GALNT7: variants seen among roughly 807,000 people sequenced by gnomAD.
The protein encoded by GALNT7 is polypeptide N-acetylgalactosaminyltransferase 7.
GALNT7 carries 60 observed loss-of-function variants against 82.1 expected under a neutral mutation model. The observed-to-expected ratio is 0.73, with a 90% CI of 0.59 to 0.91. The LOEUF (loss-of-function observed/expected upper bound fraction) is 0.91. Ranked by LOEUF, GALNT7 falls within the 40% of genes least tolerant of loss-of-function variation. The pLI is 0.00. For synonymous variants in GALNT7, 243 were observed against 275.1 expected (o/e 0.88, Z 1.15); for missense variants, 660 against 804.2 (o/e 0.82, Z 2.17).
At chr4:173,201,589 C>T (rs771806232) in intron 1 of GALNT7, among the ~76,000 whole-genome samples, 11 of 152,132 alleles carry the variant, frequency 7.2e-5, no homozygotes, top group Non-Finnish European at 1.3e-4. Context: ...AAGTCATTTT[C>T]GGTTTACAGG....
chr4:173,321,152 C>G (rs1274591702), intron 11 of GALNT7, among the ~76,000 whole-genome samples: 1 of 152,112 alleles, frequency 6.6e-6, no homozygotes, highest in African/African-American at 2.4e-5. Flanking sequence ...AGGGCATCTG[C>G]AGTGGCGATG....
chr4:173,246,516 A>G (rs1734640595), intron 1 of GALNT7, among the ~76,000 whole-genome samples: 1 of 152,192 alleles, frequency 6.6e-6, no homozygotes, highest in South Asian at 2.1e-4. Context: ...TTTTCACTAC[A>G]TGCCCTTTTG....
intron 1 of GALNT7, among the ~76,000 whole-genome samples, chr4:173,244,252 G>T (rs1429967504): frequency 6.6e-6 from 1 of 152,164 alleles, no homozygotes; most frequent in African/African-American, 2.4e-5. Flanking sequence ...GAAAAAGTTT[G>T]CTGACCCCTC....
rs139586964 is a variant in GALNT7 at position 173,244,392 on chromosome 4, G to T, written c.127-3588G>T. On this transcript the variant is annotated intron_variant, in intron 1 of 11. Transcript: ENST00000265000. ...TGCTGGAATATGGTAAGCAGGGAAA[G>T]AAACATGTTGATGTATGAATTTTAG... is the stretch of plus-strand genomic sequence containing the variant. Among the ~76,000 whole-genome samples the T allele has an allele frequency of 2.3e-3, 347 of 152,334 alleles. 1 individual carries two copies. The highest frequency in any genetic ancestry group is 8.0e-3 in the African/African-American group (333 of 41,588).
chr4:173,267,062 G>A (rs1298418540), intron 2 of GALNT7, among the ~76,000 whole-genome samples: 2 of 151,964 alleles, frequency 1.3e-5, no homozygotes, highest in Non-Finnish European at 1.5e-5. Flanking sequence ...TATTTCAAAA[G>A]GGCTAGAAAA....
At chr4:173,195,762 C>T (rs140579516) in intron 1 of GALNT7, among the ~76,000 whole-genome samples, 255 of 152,274 alleles carry the variant, frequency 1.7e-3, no homozygotes, top group Non-Finnish European at 3.2e-3. Flanking sequence ...AAGGAATTTA[C>T]ACTTGGTTTA....
intron 1 of GALNT7, among the ~76,000 whole-genome samples, chr4:173,182,817 T>TACACACACACACACACACAC (rs66792322): frequency 8.8e-4 from 119 of 134,912 alleles, no homozygotes; most frequent in African/African-American, 3.3e-3. Flanking sequence ...TTACTCATAA[T>TACACACACACACACACACAC]ACACACACAC....
chr4:173,248,901 T>C (rs960269952), intron 2 of GALNT7, among the ~76,000 whole-genome samples: 2 of 150,542 alleles, frequency 1.3e-5, no homozygotes, highest in African/African-American at 2.5e-5. Context: ...TCTGGGTGTC[T>C]CACATCATTA....
intron 1 of GALNT7, among the ~76,000 whole-genome samples, chr4:173,200,481 A>C (rs1732911828): frequency 6.6e-6 from 1 of 152,086 alleles, no homozygotes; most frequent in Non-Finnish European, 1.5e-5. Flanking sequence ...CGCTTTACAT[A>C]TCATTTTATT....
chr4:173,242,459 G>A (rs1221445693), intron 1 of GALNT7, among the ~76,000 whole-genome samples: 1 of 152,112 alleles, frequency 6.6e-6, no homozygotes, highest in South Asian at 2.1e-4. Flanking sequence ...TTGGAAATGG[G>A]TCCTTTCCTG....
intron 2 of GALNT7, among the ~76,000 whole-genome samples, chr4:173,290,522 C>A (rs1004913865): frequency 3.9e-5 from 6 of 152,068 alleles, no homozygotes; most frequent in Non-Finnish European, 8.8e-5. Flanking sequence ...TATCTCTCCT[C>A]CTCAGAAAAG....
At chr4:173,249,406 G>C in intron 2 of GALNT7, among the ~76,000 whole-genome samples, 1 of 152,132 alleles carries the variant, frequency 6.6e-6, no homozygotes, top group East Asian at 1.9e-4. Context: ...CCATTTAATA[G>C]ACTTTGAGCA....
rs150729605 is a variant in GALNT7, at chr4:173,272,464, G to A, written c.588-19644G>A. 4.1e-4 allele frequency among the ~76,000 whole-genome samples: 63 copies of A among 152,276 alleles called. 1 individual carries two copies. In the East Asian group the frequency reaches 0.011, roughly 27 times the overall value. On this transcript the variant is annotated intron_variant, in intron 2 of 11. Coordinates refer to ENST00000265000, the MANE Select transcript of GALNT7 (RefSeq NM_017423.3). ...CTGGCATCTGCCTCTTTCAGAGTGA[G>A]AATTAACATACCATCTCAGTTGTTA...
In GALNT7 at chr4:173,323,492, TTTAA is replaced by T. The variant is rs1423271992; in HGVS notation, c.*1779_*1782del. ...AAAGAAACTAAGAGAGAATTGGTACTTTAATTACTTGTGTGTTTGCAAATAGGCT... is the reference window on the plus strand; with the variant it reads ...AAAGAAACTAAGAGAGAATTGGTACTTTACTTGTGTGTTTGCAAATAGGCT... On this transcript the variant is annotated 3_prime_UTR_variant, in exon 12 of 12. Transcript: ENST00000265000. 3 of 152,606 alleles carry T rather than the reference TTTAA, an allele frequency of 2.0e-5. No homozygotes were observed. Among genetic ancestry groups the T allele is most frequent in the Non-Finnish European group, 4.4e-5 (3 of 67,992 alleles). The allele number at this position is 152,606 out of a possible 1,614,324, so 9.5% of individuals were successfully genotyped here. A position where few individuals can be genotyped will look rare whatever the true frequency, so the allele number is the denominator to read the frequency against.
chr4:173,295,441 G>A lies in GALNT7; in HGVS notation c.800G>A (p.Gly267Asp). 2 of 1,603,006 alleles carry A rather than the reference G, an allele frequency of 1.2e-6. No individual in the cohort carries two copies. Among genetic ancestry groups the A allele is most frequent in the Non-Finnish European group, 1.7e-6 (2 of 1,169,954 alleles). ...KLDEYIKLWN[G>D]LVKVFRNERR... ...GATGAATATATTAAGCTGTGGAATG[G>A]CCTAGTGAAGGTATTTCGAAATGAA... The change falls in exon 4 of 12, where the codon GGC (glycine) becomes GAC (aspartate). Residue 267 changes from glycine (G) to aspartate (D), a missense_variant. This residue lies in a region of GALNT7 where 527 missense variants were observed against 683.5 expected (regional missense o/e 0.77). Transcript: ENST00000265000.
intron 1 of GALNT7, among the ~76,000 whole-genome samples, chr4:173,241,222 AAAAG>A (rs1169052366): frequency 7.1e-5 from 8 of 112,558 alleles, no homozygotes; most frequent in South Asian, 6.5e-4. Context: ...AAAAAAAAAA[AAAAG>A]AAAGAAAGAA....
Position 173,229,711 on chromosome 4 carries a change from T to C in GALNT7, c.127-18269T>C, listed in dbSNP as rs115714484. Among the ~76,000 whole-genome samples the C allele has an allele frequency of 5.7e-3, 864 of 152,316 alleles. 8 individuals carry two copies. The highest frequency in any genetic ancestry group is 0.013 in the South Asian group (65 of 4,824). On this transcript the variant is annotated intron_variant, in intron 1 of 11. Transcript: ENST00000265000. ...CAGGAATTAAAAGAGATACGTATGA[T>C]GCAGGCAGAATCATGCTTGTTTCAT... is the stretch of plus-strand genomic sequence containing the variant.
intron 4 of GALNT7, 25 bp downstream of exon 4, chr4:173,295,551 T>C: frequency 6.2e-7 from 1 of 1,603,656 alleles, no homozygotes; most frequent in East Asian, 2.2e-5. Flanking sequence ...ATATCTACAA[T>C]GTCAACATTT....
At chr4:173,245,997 G>A (rs1410915712) in intron 1 of GALNT7, among the ~76,000 whole-genome samples, 1 of 152,146 alleles carries the variant, frequency 6.6e-6, no homozygotes, top group Non-Finnish European at 1.5e-5. Context: ...CTGAAGAAAG[G>A]CATCACATTT....
Sources: gnomAD v4.1 joint callset for allele counts (sites outside exome capture counted in the v4.1 genomes callset) on GRCh38, gnomAD v4.1.1 for gene constraint, gnomAD v4.1.1 regional missense constraint, MANE v1.5 for transcripts, NCBI Gene and HGNC (gene_info 2026-07-23, HGNC 2026-07-21) for gene names.